Variants in PLEKHG3 observed in about 807,000 individuals in gnomAD.
PLEKHG3 encodes pleckstrin homology and RhoGEF domain containing G3, also known as pleckstrin homology domain-containing family G member 3.
PLEKHG3 carries 62 observed loss-of-function variants against 94.9 expected under a neutral mutation model. That is an observed-to-expected ratio of 0.65 (90% confidence interval 0.53 to 0.81). PLEKHG3 has a LOEUF of 0.81. Ranked by LOEUF, PLEKHG3 falls within the 30% of genes least tolerant of loss-of-function variation. The pLI is 0.00. For missense variants in PLEKHG3, 1,461 were observed against 1,619.3 expected, an observed-to-expected ratio of 0.90 and a Z score of 1.68; for synonymous variants, 614 against 654.0, an observed-to-expected ratio of 0.94 and a Z score of 0.93.
Position 64,738,254 on chromosome 14 carries a change from C to T in PLEKHG3, c.1405-488C>T, listed in dbSNP as rs1286334484. The T allele has an allele frequency of 8.0e-7, 1 of 1,256,854 alleles. No homozygotes were observed. The highest frequency in any genetic ancestry group is 1.5e-5 in the African/African-American group (1 of 65,374). The allele number at this position is 1,256,854 out of a possible 1,614,324, so 77.9% of individuals were successfully genotyped here. ...GGTGTCTCTTCGATCTCCCCTCCTC[C>T]TTGCATGCTCCCTGGGATGTGCATG... On this transcript the variant is annotated intron_variant, in intron 14 of 16. Transcript: ENST00000247226. The surrounding 1 kb of genome is among the most constrained non-coding windows in gnomAD (Gnocchi z 4.8).
rs150263533 is a variant in PLEKHG3 at position 64,717,577 on chromosome 14, G to A, written c.-39-10016G>A. ...TAAGAACTGGCATCTCAGTTTTCTA[G>A]GGTAGGTGTTCTCTTCCTGCTCCTA... is the stretch of plus-strand genomic sequence containing the variant. On this transcript the variant is annotated intron_variant, in intron 1 of 16. Coordinates refer to ENST00000247226, the MANE Select transcript of PLEKHG3 (RefSeq NM_001308147.2). The surrounding 1 kb of genome is among the most constrained non-coding windows in gnomAD (Gnocchi z 4.7). 6.6e-6 allele frequency among the ~76,000 whole-genome samples: 1 copy of A among 152,328 alleles called. No homozygotes were observed. Among genetic ancestry groups the A allele is most frequent in the East Asian group, 1.9e-4 (1 of 5,186 alleles).
In PLEKHG3 at chr14:64,731,830, G is replaced by T; in HGVS notation, c.1125+24G>T. ...AGGTGAGGGGAAGGTGGGGCTCAGGGGCTAGGGAACAAGATGCCCAGGGGA... is the reference window on the plus strand; with the variant it reads ...AGGTGAGGGGAAGGTGGGGCTCAGGTGCTAGGGAACAAGATGCCCAGGGGA... On this transcript the variant is annotated intron_variant, in intron 9 of 16. Coordinates refer to ENST00000247226, the MANE Select transcript of PLEKHG3 (RefSeq NM_001308147.2). The surrounding 1 kb of genome is among the most constrained non-coding windows in gnomAD (Gnocchi z 6.1). The T allele has an allele frequency of 6.4e-7, 1 of 1,551,040 alleles. No homozygotes were observed. Among genetic ancestry groups the T allele is most frequent in the Non-Finnish European group, 8.9e-7 (1 of 1,123,564 alleles).
Position 64,738,930 on chromosome 14 carries a change from T to C in PLEKHG3, c.1518+75T>C, listed in dbSNP as rs2081630699. On this transcript the variant is annotated intron_variant, in intron 15 of 16. Transcript: ENST00000247226. This position sits in a 1 kb window ranked among gnomAD's most constrained non-coding sequence, Gnocchi z 4.8. ...AGATTTTCAAGTCTGCAAATAGGGC[T>C]TTCAGGCACAGGCTCTCCCACTGGG... The C allele has an allele frequency of 1.1e-5, 10 of 909,598 alleles. No homozygotes were observed. The South Asian group carries it at 1.1e-4, about 10-fold the overall frequency. The allele number at this position is 909,598 out of a possible 1,614,324, so 56.3% of individuals were successfully genotyped here.
At chr14:64,708,333 G>C (rs1192808775) in intron 1 of PLEKHG3, among the ~76,000 whole-genome samples, 1 of 152,166 alleles carries the variant, frequency 6.6e-6, no homozygotes, top group African/African-American at 2.4e-5. Flanking sequence ...CTGCCTCACA[G>C]CTGGGAAGGC....
Position 64,715,846 on chromosome 14 carries a change from C to G in PLEKHG3, c.-40+11142C>G, listed in dbSNP as rs991790864. 1.7e-5 allele frequency: 6 copies of G among 344,278 alleles called. No homozygotes were observed. The highest frequency in any genetic ancestry group is 1.2e-4 in the Admixed American group (3 of 25,796). The allele number at this position is 344,278 out of a possible 1,614,324, so 21.3% of individuals were successfully genotyped here. ...AGTTGCATTTCCTGGGCTAGGGCCC[C>G]CCAGCAATCAGGAATGAGAGAAATG... On this transcript the variant is annotated intron_variant, in intron 1 of 16. Coordinates refer to ENST00000247226, the MANE Select transcript of PLEKHG3 (RefSeq NM_001308147.2). This position sits in a 1 kb window ranked among gnomAD's most constrained non-coding sequence, Gnocchi z 4.4.
At chr14:64,711,734 A>G (rs2081069270) in intron 1 of PLEKHG3, among the ~76,000 whole-genome samples, 2 of 152,128 alleles carry the variant, frequency 1.3e-5, no homozygotes, top group South Asian at 4.1e-4. Context: ...TATATTCTGG[A>G]TACAAGTTCA....
intron 1 of PLEKHG3, among the ~76,000 whole-genome samples, chr14:64,714,269 CAT>C (rs2081103404): frequency 6.6e-6 from 1 of 152,166 alleles, no homozygotes; most frequent in African/African-American, 2.4e-5. Context: ...GCATATGAGA[CAT>C]GTGAGTGGAT....
rs182755336 is a variant in PLEKHG3 at position 64,736,794 on chromosome 14, C to A, written c.1346-59C>A. On this transcript the variant is annotated intron_variant, in intron 12 of 16. Coordinates refer to ENST00000247226, the MANE Select transcript of PLEKHG3 (RefSeq NM_001308147.2). The stretch of plus-strand genomic sequence containing the variant: ...GCTGGTGGCGCTGTGAGCTTGGGAC[C>A]CAGCCAGGCACAGCAGTTTCCTGGC... 2.9e-4 allele frequency: 380 copies of A among 1,330,716 alleles called. 2 individuals are homozygous for A. The East Asian group carries it at 7.7e-3, about 27-fold the overall frequency. 82.4% of individuals were successfully genotyped at this position (1,330,716 alleles called of 1,614,324 possible).
chr14:64,743,609 A>G lies in PLEKHG3; in HGVS notation c.3566A>G (p.Lys1189Arg). Residue 1189 changes from lysine (K) to arginine (R), a missense_variant, in exon 17 of 17, where the codon AAG becomes AGG. Around this residue, in one of 3 missense-constraint regions of PLEKHG3, gnomAD observed 1,201 missense variants for 1,295.5 expected, o/e 0.93. Transcript: ENST00000247226. This position sits in a 1 kb window ranked among gnomAD's most constrained non-coding sequence, Gnocchi z 7.2. ...DFQQSAECQP[K>R]EEGSRDPADP... ...CAGCAGTCTGCAGAGTGCCAGCCGA[A>G]GGAAGAGGGTTCCAGGGACCCGGCA... is the stretch of plus-strand genomic sequence containing the variant. 1.9e-6 allele frequency: 3 copies of G among 1,612,814 alleles called. No individual in the cohort carries two copies. The highest frequency in any genetic ancestry group is 2.5e-6 in the Non-Finnish European group (3 of 1,179,944).
rs761884830 is a variant in PLEKHG3 at position 64,730,729 on chromosome 14, G to A, written c.566+41G>A. The A allele has an allele frequency of 6.2e-6, 10 of 1,612,548 alleles. No individual in the cohort carries two copies. The South Asian group carries it at 1.1e-4, about 18-fold the overall frequency. On this transcript the variant is annotated intron_variant, in intron 5 of 16. Transcript: ENST00000247226. The surrounding 1 kb of genome is among the most constrained non-coding windows in gnomAD (Gnocchi z 5.4). ...GAGAGGGAAGGCAGAGCCATTTGGT[G>A]AGTCCAGAGCCCCCCACTTCCTCAT...
At position 64,743,396 on chromosome 14, in the gene PLEKHG3, C is replaced by G. The variant is rs2081761189; in HGVS notation, c.3353C>G (p.Pro1118Arg). The G allele has an allele frequency of 6.2e-7, 1 of 1,609,356 alleles. No homozygotes were observed. Among genetic ancestry groups the G allele is most frequent in the African/African-American group, 1.3e-5 (1 of 74,868 alleles). Residue 1118 changes from proline (P) to arginine (R), a missense_variant, in exon 17 of 17, where the codon CCT becomes CGT. This residue lies in a region of PLEKHG3 where 1,201 missense variants were observed against 1,295.5 expected (regional missense o/e 0.93). Transcript: ENST00000247226. This position sits in a 1 kb window ranked among gnomAD's most constrained non-coding sequence, Gnocchi z 7.2. ...GGGEAAQSPG[P>R]LPQSKPDGGE... ...GGAGAGGCTGCCCAATCCCCTGGGC[C>G]TCTGCCCCAGAGCAAGCCGGATGGA...
In PLEKHG3 at chr14:64,731,025, A is replaced by ATCT. The variant is rs2081450020; in HGVS notation, c.718-9_718-7dup. The ATCT allele has an allele frequency of 1.2e-6, 2 of 1,613,944 alleles. No individual in the cohort carries two copies. The highest frequency in any genetic ancestry group is 1.7e-5 in the Admixed American group (1 of 60,008). ...TCGGGTCAGGGGCACCTAAGCGTCT[A>ATCT]TCTTCTGCGCAGGAAATTGCCAAGC... On this transcript the variant is annotated splice_polypyrimidine_tract_variant and intron_variant, in intron 6 of 16. Coordinates refer to ENST00000247226, the MANE Select transcript of PLEKHG3 (RefSeq NM_001308147.2). The surrounding 1 kb of genome is among the most constrained non-coding windows in gnomAD (Gnocchi z 6.1).
Position 64,731,488 on chromosome 14 carries a change from C to CA in PLEKHG3, c.978dup (p.Leu327ThrfsTer110), listed in dbSNP as rs775787835. Reference sequence around the variant, plus strand: ...AGGACCTTTTTCCTCTTTGACAAAACACTGCTTATCACCAAGAAGCGGGGC... The same window carrying CA: ...AGGACCTTTTTCCTCTTTGACAAAACAACTGCTTATCACCAAGAAGCGGGGC... On this transcript the variant is annotated frameshift_variant, in exon 8 of 17. Transcript: ENST00000247226. LOFTEE classifies it high-confidence loss of function. The surrounding 1 kb of genome is among the most constrained non-coding windows in gnomAD (Gnocchi z 6.1). 52 of 1,614,052 alleles carry CA rather than the reference C, an allele frequency of 3.2e-5. No individual in the cohort carries two copies. The highest frequency in any genetic ancestry group is 4.4e-5 in the Non-Finnish European group (52 of 1,180,022).
chr14:64,707,586 T>TC (rs1190422431), intron 1 of PLEKHG3, among the ~76,000 whole-genome samples: 1 of 152,120 alleles, frequency 6.6e-6, no homozygotes. Flanking sequence ...ATAAAAAATA[T>TC]GATAGGGAAG....
In PLEKHG3 at chr14:64,731,721, C is replaced by A. The variant is rs758118038; in HGVS notation, c.1040C>A (p.Ser347Tyr). The change falls in exon 9 of 17, where the codon TCC becomes TAC. Residue 347 changes from serine (S) to tyrosine (Y), a missense_variant. By Grantham distance (144) the Ser-to-Tyr change is moderately radical. Coordinates refer to ENST00000247226, the MANE Select transcript of PLEKHG3 (RefSeq NM_001308147.2). This position sits in a 1 kb window ranked among gnomAD's most constrained non-coding sequence, Gnocchi z 6.1. ...CTTTCCCTCTGCCCCTAGTGCTCCT[C>A]CCTGATGCTGATCGAAAGCACCAGA... ...FVYKGNIPCS[S>Y]LMLIESTRDS... is the part of the protein sequence containing the mutation. 2 of 1,612,684 alleles carry A rather than the reference C, an allele frequency of 1.2e-6. No homozygotes were observed. The highest frequency in any genetic ancestry group is 2.7e-5 in the African/African-American group (2 of 74,988).
chr14:64,728,098 C>A lies in PLEKHG3; in HGVS notation c.351+116C>A. 2 of 664,706 alleles carry A rather than the reference C, an allele frequency of 3.0e-6. No homozygotes were observed. Among genetic ancestry groups the A allele is most frequent in the East Asian group, 2.8e-5 (1 of 35,688 alleles). The allele number at this position is 664,706 out of a possible 1,614,324, so 41.2% of individuals were successfully genotyped here. ...GTAGTTGGAGAACTGGGGTCTCCCA[C>A]CCTCGCTGACTGCACTGTGAAAGCT... On this transcript the variant is annotated intron_variant, in intron 2 of 16. Transcript: ENST00000247226. The surrounding 1 kb of genome is among the most constrained non-coding windows in gnomAD (Gnocchi z 5.9).
intron 1 of PLEKHG3, among the ~76,000 whole-genome samples, chr14:64,708,928 T>A (rs1257102270): frequency 6.6e-6 from 1 of 150,524 alleles, no homozygotes; most frequent in East Asian, 2.0e-4. Flanking sequence ...AGCTAGATGA[T>A]CTGATATTAG....
In PLEKHG3 at chr14:64,738,954, G is replaced by A. The variant is rs931145659; in HGVS notation, c.1518+99G>A. 2 of 747,520 alleles carry A rather than the reference G, an allele frequency of 2.7e-6. No individual in the cohort carries two copies. 46.3% of individuals were successfully genotyped at this position (747,520 alleles called of 1,614,324 possible). Reference sequence around the variant, plus strand: ...CTTTCAGGCACAGGCTCTCCCACTGGGCCCATGGGAACAGAGATTCCCCAC... The same window carrying A: ...CTTTCAGGCACAGGCTCTCCCACTGAGCCCATGGGAACAGAGATTCCCCAC... On this transcript the variant is annotated intron_variant, in intron 15 of 16. Coordinates refer to ENST00000247226, the MANE Select transcript of PLEKHG3 (RefSeq NM_001308147.2). The surrounding 1 kb of genome is among the most constrained non-coding windows in gnomAD (Gnocchi z 4.8).
In PLEKHG3 at chr14:64,732,346, G is replaced by A. The variant is rs1441297813; in HGVS notation, c.1213-81G>A. 8 of 1,385,142 alleles carry A rather than the reference G, an allele frequency of 5.8e-6. No individual in the cohort carries two copies. Among genetic ancestry groups the A allele is most frequent in the South Asian group, 3.5e-5 (3 of 86,196 alleles). 85.8% of individuals were successfully genotyped at this position (1,385,142 alleles called of 1,614,324 possible). ...TGGTGCAGCACTGTGGGGTGTCCTCGTACAGCAACAGTGGGTCCTATGGGC... is the reference window on the plus strand; with the variant it reads ...TGGTGCAGCACTGTGGGGTGTCCTCATACAGCAACAGTGGGTCCTATGGGC... On this transcript the variant is annotated intron_variant, in intron 10 of 16. Transcript: ENST00000247226. The surrounding 1 kb of genome is among the most constrained non-coding windows in gnomAD (Gnocchi z 4.9).
Sources: allele counts gnomAD v4.1 joint callset (sites outside exome capture counted in the v4.1 genomes callset), GRCh38; gene constraint gnomAD v4.1.1; regional missense constraint gnomAD v4.1.1; non-coding constraint Gnocchi (gnomAD v3.1); transcripts MANE v1.5; gene names NCBI Gene and HGNC (gene_info 2026-07-23, HGNC 2026-07-21).